RNF130: variants seen among roughly 807,000 people sequenced by gnomAD.
The protein encoded by RNF130 is ring finger protein 130.
RNF130 carries 21 observed loss-of-function variants against 44.6 expected under a neutral mutation model. That is an observed-to-expected ratio of 0.47 (90% CI 0.33 to 0.68). The LOEUF (loss-of-function observed/expected upper bound fraction) is 0.68. Ranked by LOEUF, RNF130 falls within the 30% of genes least tolerant of loss-of-function variation. The pLI is 0.02. For synonymous variants in RNF130, 214 were observed against 210.4 expected (o/e 1.02, Z -0.15); for missense variants, 479 against 560.6 (o/e 0.85, Z 1.47).
At chr5:180,056,315 G>A (rs774477221) in intron 1 of RNF130, among the ~76,000 whole-genome samples, 1 of 152,042 alleles carries the variant, frequency 6.6e-6, no homozygotes, top group Non-Finnish European at 1.5e-5. Context: ...ATACCCTGGG[G>A]CTACATGTGG....
intron 1 of RNF130, among the ~76,000 whole-genome samples, chr5:180,057,285 AC>A (rs1164698524): frequency 6.6e-6 from 1 of 152,226 alleles, no homozygotes; most frequent in Non-Finnish European, 1.5e-5. Flanking sequence ...ACAGTGGCTC[AC>A]GCCTGTAATC....
At chr5:180,007,996 T>G (rs1364713318) in intron 3 of RNF130, among the ~76,000 whole-genome samples, 5 of 150,734 alleles carry the variant, frequency 3.3e-5, no homozygotes, top group Non-Finnish European at 7.4e-5. Context: ...TAGTTTTTTT[T>G]TTTTTTTTTT....
rs1763631761 is a variant in RNF130, at chr5:180,013,204, G to T, written c.550C>A (p.Arg184=). 6.2e-7 allele frequency: 1 copy of T among 1,614,008 alleles called. No homozygotes were observed. The highest frequency in any genetic ancestry group is 1.3e-5 in the African/African-American group (1 of 74,890). ...SVQMTIAVGT[R]MPPKNFSRGS... ...CGGCTGAAGTTCTTCGGTGGCATTCGAGTTCCAACAGCTATTGTCATTTGT... is the reference window on the plus strand; with the variant it reads ...CGGCTGAAGTTCTTCGGTGGCATTCTAGTTCCAACAGCTATTGTCATTTGT... Residue 184 remains arginine, a synonymous_variant, in exon 3 of 9, where the codon CGA becomes AGA. Transcript: ENST00000521389.
chr5:180,012,201 T>C (rs1763609572), intron 3 of RNF130, among the ~76,000 whole-genome samples: 1 of 152,174 alleles, frequency 6.6e-6, no homozygotes. Flanking sequence ...GTCTGCGCTT[T>C]TTCCGCTAGA....
chr5:180,030,569 T>C (rs1764110802), intron 2 of RNF130, among the ~76,000 whole-genome samples: 1 of 152,144 alleles, frequency 6.6e-6, no homozygotes, highest in East Asian at 1.9e-4. Context: ...ATGGGGGTTT[T>C]GCTGTGTTGC....
chr5:180,052,972 G>A (rs1444059486), intron 1 of RNF130, among the ~76,000 whole-genome samples: 1 of 152,114 alleles, frequency 6.6e-6, no homozygotes. Flanking sequence ...TATAATGATG[G>A]AAAGCACACT....
intron 7 of RNF130, among the ~76,000 whole-genome samples, chr5:179,926,899 C>T (rs1188537977): frequency 6.6e-6 from 1 of 152,148 alleles, no homozygotes; most frequent in Non-Finnish European, 1.5e-5. Context: ...TTGAGGGACA[C>T]CCAGTTGGCA....
intron 1 of RNF130, among the ~76,000 whole-genome samples, chr5:180,066,185 C>G (rs756558741): frequency 5.3e-5 from 8 of 152,212 alleles, no homozygotes; most frequent in East Asian, 1.9e-4. Context: ...TGGGAGATAA[C>G]TGGAATCATG....
chr5:180,012,740 C>T (rs1169588890), intron 3 of RNF130, among the ~76,000 whole-genome samples: 1 of 152,162 alleles, frequency 6.6e-6, no homozygotes, highest in African/African-American at 2.4e-5. Flanking sequence ...TTCCCATTTG[C>T]AGAAACATCC....
chr5:179,974,506 G>C (rs1762671744), intron 5 of RNF130, among the ~76,000 whole-genome samples: 1 of 152,226 alleles, frequency 6.6e-6, no homozygotes, highest in African/African-American at 2.4e-5. Flanking sequence ...AAGAGGAAAA[G>C]GAAACGTCAC....
chr5:180,051,945 TTGG>T (rs1764696550), intron 1 of RNF130, among the ~76,000 whole-genome samples: 4 of 152,232 alleles, frequency 2.6e-5, no homozygotes, highest in Admixed American at 2.6e-4. Context: ...TCATACAAAG[TTGG>T]TGTCACAGTG....
intron 1 of RNF130, among the ~76,000 whole-genome samples, chr5:180,058,458 G>T (rs1764888808): frequency 3.3e-5 from 5 of 152,184 alleles, no homozygotes; most frequent in Admixed American, 3.3e-4. Flanking sequence ...AAATTATGAG[G>T]AACTAACCTA....
chr5:180,049,594 A>G (rs1561707296), intron 1 of RNF130, among the ~76,000 whole-genome samples: 4 of 152,170 alleles, frequency 2.6e-5, no homozygotes, highest in Admixed American at 1.3e-4. Flanking sequence ...AGTATTTTAA[A>G]TACTTTGATA....
At chr5:179,992,052 C>T (rs1284647934) in intron 3 of RNF130, among the ~76,000 whole-genome samples, 1 of 152,198 alleles carries the variant, frequency 6.6e-6, no homozygotes, top group Non-Finnish European at 1.5e-5. Context: ...ACAAATGAAG[C>T]TTCAGTCACT....
chr5:180,053,308 A>G (rs117810645), intron 1 of RNF130, among the ~76,000 whole-genome samples: 1 of 152,250 alleles, frequency 6.6e-6, no homozygotes, highest in East Asian at 1.9e-4. Flanking sequence ...GCCCGAACCC[A>G]ATGCAGGCCC....
intron 2 of RNF130, among the ~76,000 whole-genome samples, chr5:180,024,204 G>T (rs560763269): frequency 6.6e-6 from 1 of 152,292 alleles, no homozygotes; most frequent in African/African-American, 2.4e-5. Flanking sequence ...GGATCATGAT[G>T]ACTAAATGTA....
chr5:179,932,469 A>G (rs929794908), intron 7 of RNF130, among the ~76,000 whole-genome samples: 2 of 151,482 alleles, frequency 1.3e-5, no homozygotes, highest in African/African-American at 4.8e-5. Flanking sequence ...CATATTGGTC[A>G]GGCTGGTCTC....
At chr5:179,985,996 T>C (rs932917022) in intron 3 of RNF130, among the ~76,000 whole-genome samples, 7 of 152,228 alleles carry the variant, frequency 4.6e-5, no homozygotes, top group African/African-American at 1.7e-4. Flanking sequence ...AAGCCAAATC[T>C]CTTTCTAAAC....
intron 1 of RNF130, among the ~76,000 whole-genome samples, chr5:180,060,827 T>C (rs1009640771): frequency 4.6e-5 from 7 of 152,090 alleles, no homozygotes; most frequent in Non-Finnish European, 1.0e-4. Context: ...CCCAGCACTT[T>C]GGGAGGCCGA....
Sources: allele counts gnomAD v4.1 joint callset (sites outside exome capture counted in the v4.1 genomes callset), GRCh38; gene constraint gnomAD v4.1.1; transcripts MANE v1.5; gene names NCBI Gene and HGNC (gene_info 2026-07-23, HGNC 2026-07-21).